Variants in KLHL8 observed in about 807,000 individuals in gnomAD.
KLHL8 encodes the protein kelch-like protein 8.
In KLHL8, 38 loss-of-function variants were observed where a neutral mutation model predicts 63.5. That is an observed-to-expected ratio of 0.60 (90% CI 0.46 to 0.78). The LOEUF is 0.78. Among genes scored for constraint, KLHL8 ranks in the 30% least tolerant of loss-of-function variants. The pLI is 0.00. For missense variants in KLHL8, 566 were observed against 752.4 expected (o/e 0.75, Z 2.90); for synonymous variants, 224 against 254.3 (o/e 0.88, Z 1.13).
chr4:87,208,649 C>T (rs981187750), intron 1 of KLHL8, among the ~76,000 whole-genome samples: 3 of 152,118 alleles, frequency 2.0e-5, no homozygotes, highest in African/African-American at 7.2e-5. Context: ...TCTTCTTTCA[C>T]TTATTTTGTC....
At chr4:87,189,079 A>G (rs971579784) in intron 2 of KLHL8, among the ~76,000 whole-genome samples, 3 of 152,224 alleles carry the variant, frequency 2.0e-5, no homozygotes, top group Admixed American at 6.5e-5. Context: ...CATAGTCGAA[A>G]ATTATTTACG....
chr4:87,235,978 T>C (rs1440203777), intron 1 of KLHL8, among the ~76,000 whole-genome samples: 2 of 152,080 alleles, frequency 1.3e-5, no homozygotes, highest in Non-Finnish European at 2.9e-5. Flanking sequence ...TCTGCTGGAA[T>C]ATATTGGTAA....
chr4:87,239,413 T>C (rs986969776), intron 1 of KLHL8, among the ~76,000 whole-genome samples: 3 of 152,228 alleles, frequency 2.0e-5, no homozygotes, highest in Admixed American at 6.5e-5. Context: ...TAATACAGAC[T>C]TGGCAGGAGC....
Position 87,165,083 on chromosome 4 carries a change from AC to A in KLHL8, c.1538-1005del, listed in dbSNP as rs113224639. On this transcript the variant is annotated intron_variant, in intron 8 of 9. Transcript: ENST00000273963. The stretch of plus-strand genomic sequence containing the variant: ...ACAATGGCGTGAACCTGGGAGGCGG[AC>A]GCTTGCAGTGAGCCGAGATTGTGCC... Among the ~76,000 whole-genome samples the A allele has an allele frequency of 3.2e-3, 471 of 146,616 alleles. 3 individuals are homozygous for A. Among genetic ancestry groups the A allele is most frequent in the Non-Finnish European group, 4.2e-3 (283 of 67,024 alleles).
At chr4:87,178,945 T>G (rs1730941774) in intron 4 of KLHL8, among the ~76,000 whole-genome samples, 1 of 152,230 alleles carries the variant, frequency 6.6e-6, no homozygotes, top group Admixed American at 6.5e-5. Context: ...ACATTTGATA[T>G]GCTGATCATC....
chr4:87,171,327 A>C (rs1339758204), intron 6 of KLHL8, among the ~76,000 whole-genome samples: 1 of 152,232 alleles, frequency 6.6e-6, no homozygotes, highest in Non-Finnish European at 1.5e-5. Context: ...TAATGAGTTA[A>C]TACATGTAAA....
intron 6 of KLHL8, among the ~76,000 whole-genome samples, chr4:87,171,132 AAAGT>A (rs1289543592): frequency 2.0e-5 from 3 of 152,162 alleles, no homozygotes; most frequent in East Asian, 1.9e-4. Context: ...TTTCTCTCTA[AAAGT>A]AAGAGACTTA....
intron 1 of KLHL8, among the ~76,000 whole-genome samples, chr4:87,239,123 G>A (rs1008148040): frequency 3.3e-5 from 5 of 152,132 alleles, no homozygotes; most frequent in African/African-American, 1.2e-4. Context: ...CTAAGTAGTA[G>A]TGTTCAATAA....
intron 1 of KLHL8, among the ~76,000 whole-genome samples, chr4:87,209,208 T>A (rs771032065): frequency 3.9e-5 from 6 of 152,166 alleles, no homozygotes; most frequent in Non-Finnish European, 7.4e-5. Context: ...TGCCTAAGAT[T>A]CTGATTTTTA....
At position 87,185,617 on chromosome 4, in the gene KLHL8, AG is replaced by A; in HGVS notation, c.398del (p.Thr133MetfsTer28). ...KFVYSSRLTL[T>X]VDNVQPLLYA... ...ATAAGAGAGGCTGGACATTGTCAAC[AG>A]TCAAAGTGAGCCGTGAAGAATAGAC... On this transcript the variant is annotated frameshift_variant, in exon 3 of 10. Coordinates refer to ENST00000273963, the MANE Select transcript of KLHL8 (RefSeq NM_020803.5). LOFTEE classifies it high-confidence loss of function. 6.2e-7 allele frequency: 1 copy of A among 1,614,244 alleles called. No homozygotes were observed. Among genetic ancestry groups the A allele is most frequent in the Non-Finnish European group, 8.5e-7 (1 of 1,180,034 alleles).
rs1578414251 is a variant in KLHL8, at chr4:87,236,690, A to C, written n.57+3568T>G. ...TTTTTTTTTTTTTTTTTTTAGATGG[A>C]GTCTCACTCTGTCACCCAGGCTGGA... On this transcript the variant is annotated intron_variant and non_coding_transcript_variant, in intron 1 of 1. Coordinates refer to the KLHL8 transcript ENST00000506274. Among the ~76,000 whole-genome samples the C allele has an allele frequency of 6.5e-5, 7 of 108,126 alleles. No individual in the cohort carries two copies. The South Asian group carries it at 1.8e-3, about 28-fold the overall frequency. The allele number at this position is 108,126 out of a possible 152,430, so 70.9% of individuals were successfully genotyped here.
At chr4:87,207,479 T>C in intron 1 of KLHL8, 1 of 765,358 alleles carries the variant, frequency 1.3e-6, no homozygotes, top group Non-Finnish European at 2.3e-6. Flanking sequence ...CCCATGTTAG[T>C]GATGGGCATG....
Position 87,185,435 on chromosome 4 carries a change from T to C in KLHL8, c.581A>G (p.Asp194Gly), listed in dbSNP as rs915272573. ...LMDMADQYAC[D>G]HFTEVVECED... The stretch of plus-strand genomic sequence containing the variant: ...ACACTCCACTACTTCAGTAAAATGG[T>C]CACAGGCATACTGATCCGCCATGTC... The change falls in exon 3 of 10, where the codon GAC (aspartate) becomes GGC (glycine). Residue 194 changes from aspartate to glycine, a missense_variant. Transcript: ENST00000273963. The C allele has an allele frequency of 6.2e-7, 1 of 1,614,184 alleles. No individual in the cohort carries two copies. The highest frequency in any genetic ancestry group is 1.7e-5 in the Admixed American group (1 of 60,026).
chr4:87,188,827 CATA>C (rs1431749820), intron 2 of KLHL8, among the ~76,000 whole-genome samples: 1 of 152,154 alleles, frequency 6.6e-6, no homozygotes, highest in Non-Finnish European at 1.5e-5. Flanking sequence ...ACACAAGCTA[CATA>C]ATATTAGACA....
At chr4:87,234,832 A>G (rs1296592166) in intron 1 of KLHL8, among the ~76,000 whole-genome samples, 3 of 152,168 alleles carry the variant, frequency 2.0e-5, no homozygotes, top group South Asian at 4.1e-4. Flanking sequence ...CAGTGGGGCA[A>G]GATGTGGAGA....
chr4:87,187,391 TCATC>T (rs1312223822), intron 2 of KLHL8, among the ~76,000 whole-genome samples: 3 of 149,980 alleles, frequency 2.0e-5, no homozygotes, highest in Non-Finnish European at 3.0e-5. Flanking sequence ...TAAAAAGATC[TCATC>T]TTTTTTTTTC....
At chr4:87,212,887 G>C (rs1441034788) in intron 1 of KLHL8, among the ~76,000 whole-genome samples, 1 of 152,146 alleles carries the variant, frequency 6.6e-6, no homozygotes, top group Non-Finnish European at 1.5e-5. Flanking sequence ...ACCTAGGTTT[G>C]TGTAAGTATA....
chr4:87,228,335 C>T (rs912548066), intron 1 of KLHL8, among the ~76,000 whole-genome samples: 3 of 152,126 alleles, frequency 2.0e-5, no homozygotes, highest in South Asian at 4.1e-4. Flanking sequence ...TCAGAGGTGA[C>T]GGTGGTCTGA....
chr4:87,215,820 CTG>C (rs1335681985), intron 1 of KLHL8, among the ~76,000 whole-genome samples: 1 of 152,128 alleles, frequency 6.6e-6, no homozygotes, highest in Non-Finnish European at 1.5e-5. Context: ...CAAAAGCAAA[CTG>C]TAAATTTCTT....
Sources: gnomAD v4.1 joint callset for allele counts (sites outside exome capture counted in the v4.1 genomes callset) on GRCh38, gnomAD v4.1.1 for gene constraint, MANE v1.5 for transcripts, NCBI Gene and HGNC (gene_info 2026-07-23, HGNC 2026-07-21) for gene names.